IGLON5: variants seen among roughly 807,000 people sequenced by gnomAD.
IGLON5 encodes IgLON family member 5, also known as Ig-like domain-containing protein ENSP00000270642.
A neutral mutation model predicts 38.2 loss-of-function variants in IGLON5; 16 were observed. The observed-to-expected ratio is 0.42, with a 90% CI of 0.28 to 0.64. The LOEUF (loss-of-function observed/expected upper bound fraction) is 0.64. IGLON5 is among the 30% of genes least tolerant of loss of function. The pLI is 0.23. For missense variants in IGLON5, 366 were observed against 483.4 expected (o/e 0.76, Z 2.28); for synonymous variants, 207 against 216.4 (o/e 0.96, Z 0.38).
intron 1 of IGLON5, among the ~76,000 whole-genome samples, chr19:51,316,997 A>G (rs371669598): frequency 6.7e-5 from 10 of 149,044 alleles, no homozygotes; most frequent in African/African-American, 2.5e-4. Flanking sequence ...GTGGAATCAG[A>G]GTATCACCCT....
At chr19:51,322,030 G>T (rs919362740) in intron 1 of IGLON5, 34 bp from the exon 2 acceptor site, 1 of 1,582,522 alleles carries the variant, frequency 6.3e-7, no homozygotes, top group South Asian at 1.1e-5. Flanking sequence ...CCTTGCCTGA[G>T]CTGCCAAGGC....
At chr19:51,315,730 C>G (rs1235911990) in intron 1 of IGLON5, among the ~76,000 whole-genome samples, 1 of 119,664 alleles carries the variant, frequency 8.4e-6, no homozygotes, top group Non-Finnish European at 1.6e-5. Context: ...GAGTCTTGCT[C>G]TGTCGCCCAG....
intron 4 of IGLON5, among the ~76,000 whole-genome samples, chr19:51,326,430 C>T (rs889618085): frequency 2.6e-5 from 4 of 152,198 alleles, no homozygotes; most frequent in Non-Finnish European, 5.9e-5. Flanking sequence ...TGAGACCTAA[C>T]ATCCTGGGAT....
At position 51,328,896 on chromosome 19, in the gene IGLON5, G is replaced by A. The variant is rs1324178442; in HGVS notation, c.*137G>A. On this transcript the variant is annotated 3_prime_UTR_variant, in exon 8 of 8. Coordinates refer to ENST00000270642, the MANE Select transcript of IGLON5 (RefSeq NM_001101372.3). ...CAAGGAAGAAGAGAGAGGAGAAGAGGAGGAGGCAGAGGAAGAAAGATCTTC... is the reference window on the plus strand; with the variant it reads ...CAAGGAAGAAGAGAGAGGAGAAGAGAAGGAGGCAGAGGAAGAAAGATCTTC... The A allele has an allele frequency of 7.1e-6, 4 of 563,750 alleles. No homozygotes were observed. The highest frequency in any genetic ancestry group is 7.1e-5 in the Admixed American group (2 of 28,212). The allele number at this position is 563,750 out of a possible 1,614,324, so 34.9% of individuals were successfully genotyped here. A position where few individuals can be genotyped will look rare whatever the true frequency, so the allele number is the denominator to read the frequency against.
chr19:51,312,271 C>G (rs4802780), intron 1 of IGLON5, among the ~76,000 whole-genome samples: 76,269 of 150,686 alleles, frequency 0.51, 19,495 homozygotes, highest in South Asian at 0.59. Flanking sequence ...AGACACTGGA[C>G]TCGGGGTCCC....
chr19:51,313,574 TTTCTTTCTCTTTCC>T (rs376835035), intron 1 of IGLON5, among the ~76,000 whole-genome samples: 9,776 of 149,662 alleles, frequency 0.065, 626 homozygotes, highest in African/African-American at 0.15. Flanking sequence ...CTTTCTCTTT[TTTCTTTCTCTTTCC>T]TTCTTTCTCT....
rs758508713 is a variant in IGLON5 at position 51,326,846 on chromosome 19, C to T, written c.594C>T (p.His198=). Residue 198 remains histidine, a synonymous_variant, in exon 5 of 8, where the codon CAC becomes CAT. Transcript: ENST00000270642. The part of the protein sequence containing the change: ...GQAGEYECVT[H]NGVNSAPDSR... ...CCGGGGAGTATGAGTGCGTGACTCA[C>T]AACGGGGTTAACTCGGCGCCCGACA... The T allele has an allele frequency of 4.5e-6, 7 of 1,557,938 alleles. No homozygotes were observed. The South Asian group carries it at 5.9e-5, about 13-fold the overall frequency.
At chr19:51,322,588 C>G (rs1222304687) in intron 2 of IGLON5, among the ~76,000 whole-genome samples, 1 of 84,360 alleles carries the variant, frequency 1.2e-5, no homozygotes, top group African/African-American at 4.9e-5. Flanking sequence ...CTCTCTCTCT[C>G]TCTCTCGCTT....
At chr19:51,327,000 T>C in intron 5 of IGLON5, 80 bp from the exon 6 acceptor site, 1 of 1,589,224 alleles carries the variant, frequency 6.3e-7, no homozygotes, top group Non-Finnish European at 8.5e-7. Context: ...CTTACGGGCC[T>C]GAGGGAGGCG....
intron 2 of IGLON5, among the ~76,000 whole-genome samples, chr19:51,323,190 C>T (rs937472459): frequency 6.7e-6 from 1 of 149,020 alleles, no homozygotes; most frequent in Non-Finnish European, 1.5e-5. Flanking sequence ...GGGTCTCTCT[C>T]TCTCTCTCTT....
Position 51,312,695 on chromosome 19 carries a change from G to A in IGLON5, c.79+769G>A, listed in dbSNP as rs1205803255. Among the ~76,000 whole-genome samples the A allele has an allele frequency of 7.3e-5, 11 of 150,510 alleles. No homozygotes were observed. In the South Asian group the frequency reaches 2.1e-3, roughly 29 times the overall value. On this transcript the variant is annotated intron_variant, in intron 1 of 7. Coordinates refer to ENST00000270642, the MANE Select transcript of IGLON5 (RefSeq NM_001101372.3). ...GGACAGTGGAAGAGCGATGGGCATG[G>A]GAGGATGAAGGAAAGACGGAAGGGA...
chr19:51,323,578 C>A, intron 2 of IGLON5, 84 bp from the exon 3 acceptor site: 1 of 1,182,342 alleles, frequency 8.5e-7, no homozygotes, highest in Non-Finnish European at 1.2e-6. Flanking sequence ...ATGCGGTGGC[C>A]TCCTTCTCCC....
At chr19:51,317,738 G>A (rs1395810971) in intron 1 of IGLON5, among the ~76,000 whole-genome samples, 1 of 152,186 alleles carries the variant, frequency 6.6e-6, no homozygotes, top group African/African-American at 2.4e-5. Flanking sequence ...AGCATTTATT[G>A]GGTTCTTTCC....
rs1985259897 is a variant in IGLON5 at position 51,327,950 on chromosome 19, G to A, written c.922+64G>A. ...GGGCCGGGGGCGGGGCTAGGGAAGT[G>A]GAGACGCCGGGACCGCCCTTCAGGC... On this transcript the variant is annotated intron_variant, in intron 7 of 7. Transcript: ENST00000270642. This position sits in a 1 kb window ranked among gnomAD's most constrained non-coding sequence, Gnocchi z 7.1. The A allele has an allele frequency of 7.0e-7, 1 of 1,427,632 alleles. No individual in the cohort carries two copies. The highest frequency in any genetic ancestry group is 9.2e-7 in the Non-Finnish European group (1 of 1,087,886). 88.4% of individuals were successfully genotyped at this position (1,427,632 alleles called of 1,614,324 possible). A position where few individuals can be genotyped will look rare whatever the true frequency, so the allele number is the denominator to read the frequency against.
At chr19:51,322,231 G>T (rs1382496595) in intron 2 of IGLON5, 89 bp downstream of exon 2, 3 of 1,054,434 alleles carry the variant, frequency 2.8e-6, no homozygotes, top group Non-Finnish European at 4.4e-6. Flanking sequence ...CTGGTTACAG[G>T]AACAGCCTGG....
chr19:51,314,297 C>G (rs1984859909), intron 1 of IGLON5, among the ~76,000 whole-genome samples: 1 of 151,908 alleles, frequency 6.6e-6, no homozygotes, highest in Non-Finnish European at 1.5e-5. Flanking sequence ...GATTCTCCTG[C>G]CTCAGCCTCG....
At chr19:51,317,897 T>G (rs1228325890) in intron 1 of IGLON5, among the ~76,000 whole-genome samples, 1 of 152,180 alleles carries the variant, frequency 6.6e-6, no homozygotes, top group Non-Finnish European at 1.5e-5. Flanking sequence ...GTCATCCAGC[T>G]AGGAAGTGGT....
At chr19:51,312,225 G>T (rs888917399) in intron 1 of IGLON5, among the ~76,000 whole-genome samples, 2 of 152,044 alleles carry the variant, frequency 1.3e-5, no homozygotes, top group Admixed American at 1.3e-4. Context: ...GCCCTGCCTG[G>T]GGGCAGGAGT....
chr19:51,313,638 TCTCTCTC>T (rs933661828), intron 1 of IGLON5, among the ~76,000 whole-genome samples: 2 of 121,890 alleles, frequency 1.6e-5, no homozygotes, highest in East Asian at 2.0e-4. Flanking sequence ...TTTTTCTCTC[TCTCTCTC>T]TTTTTCTTTC....
Sources: gnomAD v4.1 joint callset for allele counts (sites outside exome capture counted in the v4.1 genomes callset) on GRCh38, gnomAD v4.1.1 for gene constraint, Gnocchi (gnomAD v3.1) non-coding constraint, MANE v1.5 for transcripts, NCBI Gene and HGNC (gene_info 2026-07-23, HGNC 2026-07-21) for gene names.